RERE: variants seen among roughly 807,000 people sequenced by gnomAD.
RERE encodes the protein arginine-glutamic acid dipeptide repeats, also known as arginine-glutamic acid dipeptide repeats protein.
RERE carries 40 observed loss-of-function variants against 146.1 expected under a neutral mutation model. The ratio of observed to expected loss-of-function variants is 0.27; its 90% CI spans 0.21 to 0.36. The LOEUF is 0.36. RERE is among the 10% of genes least tolerant of loss of function. The pLI, the probability that RERE is intolerant of heterozygous loss-of-function variation, is 1.00. For synonymous variants in RERE, 1,003 were observed against 866.0 expected (o/e 1.16, Z -2.78); for missense variants, 1,933 against 2,138.7 (o/e 0.90, Z 1.90).
At chr1:8,662,274 A>C (rs1638472951) in intron 1 of RERE, among the ~76,000 whole-genome samples, 1 of 152,220 alleles carries the variant, frequency 6.6e-6, no homozygotes, top group Admixed American at 6.5e-5. Flanking sequence ...TTACCTCTTC[A>C]AAATGAAGCC....
At chr1:8,651,231 T>C (rs916411552) in intron 2 of RERE, among the ~76,000 whole-genome samples, 1 of 151,184 alleles carries the variant, frequency 6.6e-6, no homozygotes, top group Admixed American at 6.6e-5. Flanking sequence ...CTGAATAACA[T>C]AGCAAGACCC....
chr1:8,564,681 A>C (rs963491101), intron 4 of RERE, among the ~76,000 whole-genome samples: 1 of 152,170 alleles, frequency 6.6e-6, no homozygotes, highest in Non-Finnish European at 1.5e-5. Flanking sequence ...CAAAATATTT[A>C]AAATCAGTTT....
At chr1:8,426,284 C>T (rs1319362479) in intron 11 of RERE, among the ~76,000 whole-genome samples, 2 of 151,934 alleles carry the variant, frequency 1.3e-5, no homozygotes, top group Non-Finnish European at 2.9e-5. Flanking sequence ...GAAACCCCGT[C>T]TCTACTAAAA....
At chr1:8,554,365 A>G (rs1645978395) in intron 6 of RERE, among the ~76,000 whole-genome samples, 1 of 152,146 alleles carries the variant, frequency 6.6e-6, no homozygotes, top group African/African-American at 2.4e-5. Flanking sequence ...AACAGGAAGG[A>G]AAGAGTATGC....
At chr1:8,789,297 A>T (rs796788819) in intron 1 of RERE, among the ~76,000 whole-genome samples, 6,814 of 62,110 alleles carry the variant, frequency 0.11, 353 homozygotes, top group East Asian at 0.36. Context: ...AAAAAAAAAA[A>T]AAAAATATAT....
At chr1:8,363,453 G>A (rs980282601) in intron 15 of RERE, among the ~76,000 whole-genome samples, 1 of 152,180 alleles carries the variant, frequency 6.6e-6, no homozygotes, top group Non-Finnish European at 1.5e-5. Context: ...CAGCCTCAAC[G>A]GCATACAAGG....
At chr1:8,611,988 A>G (rs554155902) in intron 4 of RERE, among the ~76,000 whole-genome samples, 6 of 152,212 alleles carry the variant, frequency 3.9e-5, no homozygotes, top group Non-Finnish European at 8.8e-5. Flanking sequence ...TTCTCAGTAC[A>G]AGTAAAAATG....
chr1:8,631,530 C>G (rs201537046), intron 2 of RERE, among the ~76,000 whole-genome samples: 1 of 152,166 alleles, frequency 6.6e-6, no homozygotes, highest in African/African-American at 2.4e-5. Flanking sequence ...CAAGAAAAAG[C>G]AAAATTATCC....
chr1:8,408,627 C>A (rs886489323), intron 12 of RERE, among the ~76,000 whole-genome samples: 1 of 152,056 alleles, frequency 6.6e-6, no homozygotes, highest in Non-Finnish European at 1.5e-5. Context: ...GGAAATAAAT[C>A]AAAAGTTCCT....
intron 12 of RERE, among the ~76,000 whole-genome samples, chr1:8,390,726 A>C (rs1642858131): frequency 1.3e-5 from 2 of 152,290 alleles, no homozygotes; most frequent in East Asian, 3.9e-4. Context: ...CCATAAAACA[A>C]ACATACATCT....
In RERE at chr1:8,357,221, T is replaced by C. The variant is rs1260189951; in HGVS notation, c.4339+975A>G. ...TGCCTGGCACATTCCAGGGGTTCAG[T>C]AAACACTTGCTGAATGAATGATGCA... On this transcript the variant is annotated intron_variant, in intron 20 of 22. Coordinates refer to ENST00000400908, the MANE Select transcript of RERE (RefSeq NM_001042681.2). Among the ~76,000 whole-genome samples the C allele has an allele frequency of 3.3e-5, 5 of 152,236 alleles. No individual in the cohort carries two copies. The East Asian group carries it at 9.6e-4, about 29-fold the overall frequency.
intron 1 of RERE, among the ~76,000 whole-genome samples, chr1:8,801,830 A>G (rs1451807356): frequency 6.6e-6 from 1 of 152,256 alleles, no homozygotes; most frequent in East Asian, 1.9e-4. Context: ...ACAACAGTAC[A>G]GATATGAGGA....
chr1:8,362,541 G>T, intron 16 of RERE, 142 bp downstream of exon 16: 2 of 1,153,182 alleles, frequency 1.7e-6, no homozygotes, highest in Non-Finnish European at 2.5e-6. Context: ...CAGCCCCTAG[G>T]CCAGGACAAT....
intron 3 of RERE, among the ~76,000 whole-genome samples, chr1:8,615,466 A>C (rs1290890039): frequency 1.3e-5 from 2 of 152,248 alleles, no homozygotes; most frequent in Non-Finnish European, 2.9e-5. Context: ...GAAAGCTAGC[A>C]CAGTATACCT....
At chr1:8,786,607 A>T (rs1376305311) in intron 1 of RERE, 2 of 767,278 alleles carry the variant, frequency 2.6e-6, no homozygotes, top group Admixed American at 3.4e-5. Flanking sequence ...AAGGCGAAGA[A>T]GCTGCAACAC....
intron 1 of RERE, among the ~76,000 whole-genome samples, chr1:8,777,307 A>G (rs535451269): frequency 5.9e-5 from 9 of 152,034 alleles, no homozygotes; most frequent in Admixed American, 5.2e-4. Context: ...AAGTGTCATC[A>G]AATATTTTTC....
chr1:8,558,115 G>A (rs1419781978), intron 4 of RERE, among the ~76,000 whole-genome samples: 1 of 152,208 alleles, frequency 6.6e-6, no homozygotes, highest in Non-Finnish European at 1.5e-5. Context: ...TATGAGTCCA[G>A]AGACCTCATC....
intron 1 of RERE, among the ~76,000 whole-genome samples, chr1:8,719,078 G>A (rs1373708240): frequency 1.3e-5 from 2 of 152,190 alleles, no homozygotes; most frequent in Non-Finnish European, 2.9e-5. Context: ...CAGGCAGGGG[G>A]CAGCAAAATC....
intron 1 of RERE, among the ~76,000 whole-genome samples, chr1:8,788,893 G>A (rs1005442985): frequency 1.3e-5 from 2 of 151,184 alleles, no homozygotes; most frequent in African/African-American, 4.9e-5. Flanking sequence ...TGGCTCGGGG[G>A]AGTACAGGGG....
Sources: allele counts gnomAD v4.1 joint callset (sites outside exome capture counted in the v4.1 genomes callset), GRCh38; gene constraint gnomAD v4.1.1; transcripts MANE v1.5; gene names NCBI Gene and HGNC (gene_info 2026-07-23, HGNC 2026-07-21).